Variants in CPQ observed in about 807,000 individuals in gnomAD.
CPQ encodes the protein Ser-Met dipeptidase.
In CPQ, 37 loss-of-function variants were observed where a neutral mutation model predicts 45.7. The observed-to-expected ratio is 0.81, with a 90% CI of 0.62 to 1.07. CPQ has a LOEUF of 1.07. CPQ is among the 50% of genes least tolerant of loss of function. The pLI is 0.00. For synonymous variants in CPQ, 186 were observed against 205.8 expected (o/e 0.90, Z 0.82); for missense variants, 537 against 572.9 (o/e 0.94, Z 0.64).
intron 6 of CPQ, among the ~76,000 whole-genome samples, chr8:97,065,360 C>A (rs537937608): frequency 9.2e-5 from 14 of 152,310 alleles, no homozygotes; most frequent in Non-Finnish European, 2.1e-4. Flanking sequence ...AGTTTATGAA[C>A]TAGTGGCCTG....
intron 1 of CPQ, among the ~76,000 whole-genome samples, chr8:96,680,883 G>A (rs751356652): frequency 5.9e-5 from 9 of 152,150 alleles, no homozygotes; most frequent in Non-Finnish European, 5.9e-5. Flanking sequence ...GGGAACTGAA[G>A]CAAAGGTTAT....
At chr8:96,917,623 C>A (rs745622422) in intron 4 of CPQ, among the ~76,000 whole-genome samples, 3 of 152,132 alleles carry the variant, frequency 2.0e-5, no homozygotes, top group African/African-American at 4.8e-5. Flanking sequence ...ATGCTCATTA[C>A]ACCTAGAGTG....
chr8:96,659,642 A>G (rs1815676259), intron 1 of CPQ, among the ~76,000 whole-genome samples: 2 of 152,250 alleles, frequency 1.3e-5, no homozygotes, highest in South Asian at 4.1e-4. Flanking sequence ...TCATTTCCAA[A>G]CATGCTTTTT....
intron 7 of CPQ, chr8:97,092,333 T>C (rs561008323): frequency 6.6e-6 from 1 of 152,282 alleles, no homozygotes; most frequent in Admixed American, 6.5e-5. Flanking sequence ...GGATTCAGGA[T>C]TTGAGGTGAT....
chr8:96,988,447 G>A (rs1397303281), intron 5 of CPQ, among the ~76,000 whole-genome samples: 3 of 151,974 alleles, frequency 2.0e-5, no homozygotes, highest in African/African-American at 7.3e-5. Context: ...TGTACTATTT[G>A]TAAGCAGATG....
chr8:96,662,531 G>T (rs1261863567), intron 1 of CPQ, among the ~76,000 whole-genome samples: 4 of 152,088 alleles, frequency 2.6e-5, no homozygotes, highest in Non-Finnish European at 5.9e-5. Context: ...CTTAAAGCTG[G>T]CATAATTAGG....
At chr8:97,101,043 T>G (rs987222513) in intron 7 of CPQ, among the ~76,000 whole-genome samples, 1 of 152,162 alleles carries the variant, frequency 6.6e-6, no homozygotes, top group Non-Finnish European at 1.5e-5. Flanking sequence ...GGAACTTGAT[T>G]AGAATAATAC....
chr8:96,693,484 A>T (rs1325344334), intron 1 of CPQ, among the ~76,000 whole-genome samples: 1 of 152,190 alleles, frequency 6.6e-6, no homozygotes, highest in Non-Finnish European at 1.5e-5. Flanking sequence ...AACAAATAAC[A>T]TACAATGGAT....
chr8:96,903,597 A>C (rs939300012), intron 4 of CPQ, among the ~76,000 whole-genome samples: 1 of 152,140 alleles, frequency 6.6e-6, no homozygotes, highest in South Asian at 2.1e-4. Flanking sequence ...ACTTAAATAT[A>C]TGTCTGAGAC....
chr8:96,788,087 T>C (rs1810797289), intron 2 of CPQ, among the ~76,000 whole-genome samples: 1 of 151,788 alleles, frequency 6.6e-6, no homozygotes, highest in Admixed American at 6.6e-5. Context: ...TCTTTCTTTT[T>C]TTTTTATTTT....
intron 2 of CPQ, among the ~76,000 whole-genome samples, chr8:96,806,746 G>A (rs932245746): frequency 6.6e-6 from 1 of 152,164 alleles, no homozygotes; most frequent in Admixed American, 6.5e-5. Context: ...TTCACATGTT[G>A]AATACTGTAT....
intron 5 of CPQ, among the ~76,000 whole-genome samples, chr8:96,984,776 G>A (rs1190927836): frequency 6.6e-6 from 1 of 152,158 alleles, no homozygotes; most frequent in Non-Finnish European, 1.5e-5. Context: ...GATCATAATA[G>A]TATCTAATTA....
intron 1 of CPQ, among the ~76,000 whole-genome samples, chr8:96,654,963 T>C (rs1815621854): frequency 6.6e-6 from 1 of 152,026 alleles, no homozygotes; most frequent in Admixed American, 6.5e-5. Context: ...ATACAGCATG[T>C]TCAGCTGCAT....
intron 5 of CPQ, among the ~76,000 whole-genome samples, chr8:96,977,432 T>C (rs918718620): frequency 5.3e-5 from 8 of 151,854 alleles, no homozygotes; most frequent in Non-Finnish European, 7.4e-5. Context: ...ACAGTGTGGA[T>C]AATCTTTAAA....
At chr8:96,737,881 C>G (rs1172296900) in intron 1 of CPQ, among the ~76,000 whole-genome samples, 1 of 152,114 alleles carries the variant, frequency 6.6e-6, no homozygotes, top group Non-Finnish European at 1.5e-5. Context: ...CTGTCTCTAT[C>G]TGCATCTCAC....
chr8:97,104,480 G>C (rs1811368493), intron 7 of CPQ, among the ~76,000 whole-genome samples: 1 of 152,128 alleles, frequency 6.6e-6, no homozygotes, highest in African/African-American at 2.4e-5. Context: ...AGAGTTGCCT[G>C]CTCAACTGGC....
At chr8:96,891,436 C>T (rs373198215) in intron 4 of CPQ, among the ~76,000 whole-genome samples, 16 of 152,242 alleles carry the variant, frequency 1.1e-4, no homozygotes, top group African/African-American at 3.9e-4. Flanking sequence ...TGGCTGTAGC[C>T]GGGTCAGCTT....
At chr8:97,117,376 T>C (rs551757785) in intron 7 of CPQ, among the ~76,000 whole-genome samples, 4 of 152,200 alleles carry the variant, frequency 2.6e-5, no homozygotes, top group East Asian at 1.9e-4. Context: ...CCCTGAGACT[T>C]TTCTGGTTTG....
chr8:97,028,130 C>A (rs1190981218), intron 5 of CPQ, among the ~76,000 whole-genome samples: 1 of 152,208 alleles, frequency 6.6e-6, no homozygotes, highest in Non-Finnish European at 1.5e-5. Context: ...CTATGGTCAG[C>A]CTGCATCCTA....
Sources: allele counts gnomAD v4.1 joint callset (sites outside exome capture counted in the v4.1 genomes callset), GRCh38; gene constraint gnomAD v4.1.1; transcripts MANE v1.5; gene names NCBI Gene and HGNC (gene_info 2026-07-23, HGNC 2026-07-21).